Variants in TMEM117 observed in about 807,000 individuals in gnomAD.
The protein encoded by TMEM117 is transmembrane protein 117.
Under a neutral mutation model 52.4 loss-of-function variants are expected in TMEM117, and 27 were observed. The observed-to-expected ratio is 0.51, with a 90% CI of 0.38 to 0.71. The LOEUF is 0.71. Among genes scored for constraint, TMEM117 ranks in the 30% least tolerant of loss-of-function variants. The pLI is 0.00. For synonymous variants in TMEM117, 215 were observed against 206.3 expected, an observed-to-expected ratio of 1.04 and a Z score of -0.36; for missense variants, 556 against 630.5, an observed-to-expected ratio of 0.88 and a Z score of 1.26.
chr12:43,836,902 G>T (rs1453265368), intron 1 of TMEM117, among the ~76,000 whole-genome samples: 1 of 152,076 alleles, frequency 6.6e-6, no homozygotes, highest in East Asian at 1.9e-4. Flanking sequence ...GAATATAAGG[G>T]TATGTATTGC....
chr12:43,996,184 A>G (rs572784803), intron 3 of TMEM117, among the ~76,000 whole-genome samples: 48 of 152,368 alleles, frequency 3.2e-4, no homozygotes, highest in East Asian at 1.7e-3. Context: ...TCATGATTCT[A>G]TTATCCAAGT....
At chr12:44,034,188 C>T (rs925778011) in intron 3 of TMEM117, among the ~76,000 whole-genome samples, 5 of 152,170 alleles carry the variant, frequency 3.3e-5, no homozygotes, top group Non-Finnish European at 7.3e-5. Flanking sequence ...ATAGATTTTA[C>T]ATCTGAAAAA....
chr12:43,997,932 C>A (rs1565786068), intron 3 of TMEM117, among the ~76,000 whole-genome samples: 2 of 152,174 alleles, frequency 1.3e-5, no homozygotes, highest in African/African-American at 4.8e-5. Context: ...TTTTAAAGTT[C>A]ATGCATGCAC....
intron 3 of TMEM117, among the ~76,000 whole-genome samples, chr12:44,066,240 G>C (rs1442839691): frequency 6.6e-6 from 1 of 152,154 alleles, no homozygotes; most frequent in African/African-American, 2.4e-5. Flanking sequence ...AATAGGTAAG[G>C]AGGCAACTTT....
At chr12:44,256,477 C>T (rs946923996) in intron 5 of TMEM117, among the ~76,000 whole-genome samples, 2 of 151,918 alleles carry the variant, frequency 1.3e-5, no homozygotes, top group Middle Eastern at 3.2e-3. Flanking sequence ...ATAATTTGAT[C>T]AGATTCACAA....
chr12:43,902,365 C>G (rs1367555629), intron 2 of TMEM117, among the ~76,000 whole-genome samples: 1 of 152,238 alleles, frequency 6.6e-6, no homozygotes, highest in Non-Finnish European at 1.5e-5. Context: ...GTTACCACAT[C>G]TAGAGGATCA....
intron 2 of TMEM117, among the ~76,000 whole-genome samples, chr12:43,906,909 A>G (rs1339931917): frequency 2.6e-5 from 4 of 152,212 alleles, no homozygotes; most frequent in Admixed American, 2.6e-4. Context: ...GGCGGCAGCG[A>G]GGCTGGGGGA....
chr12:44,085,339 G>T (rs1374422538), intron 3 of TMEM117, among the ~76,000 whole-genome samples: 1 of 151,940 alleles, frequency 6.6e-6, no homozygotes. Context: ...ATGTTACCAG[G>T]GCATCTGCAT....
intron 3 of TMEM117, among the ~76,000 whole-genome samples, chr12:44,119,186 G>T (rs1948193547): frequency 6.6e-6 from 1 of 152,170 alleles, no homozygotes; most frequent in African/African-American, 2.4e-5. Flanking sequence ...ATAAATTCTG[G>T]TTGTGTTAAT....
chr12:44,294,614 T>G (rs1950745115), intron 5 of TMEM117, among the ~76,000 whole-genome samples: 1 of 152,218 alleles, frequency 6.6e-6, no homozygotes, highest in Non-Finnish European at 1.5e-5. Flanking sequence ...TGATGGCTTC[T>G]CTTTGGCATA....
intron 5 of TMEM117, among the ~76,000 whole-genome samples, chr12:44,228,350 A>G (rs930900357): frequency 2.0e-5 from 3 of 152,110 alleles, no homozygotes; most frequent in Non-Finnish European, 4.4e-5. Flanking sequence ...GACATTTTGT[A>G]TGTGAGGGGC....
At chr12:43,941,140 A>G (rs1430615348) in intron 2 of TMEM117, among the ~76,000 whole-genome samples, 1 of 152,220 alleles carries the variant, frequency 6.6e-6, no homozygotes, top group Non-Finnish European at 1.5e-5. Context: ...CTTATTAATA[A>G]CATAAATACA....
chr12:43,875,164 T>C (rs1943772340), intron 2 of TMEM117, among the ~76,000 whole-genome samples: 1 of 152,146 alleles, frequency 6.6e-6, no homozygotes, highest in Non-Finnish European at 1.5e-5. Flanking sequence ...ACAGCTTCTT[T>C]ACAGCAGTAA....
chr12:44,083,443 C>T (rs59618205), intron 3 of TMEM117: 1 of 131,752 alleles, frequency 7.6e-6, no homozygotes, highest in Non-Finnish European at 1.5e-5. Flanking sequence ...GTTGCCCAGG[C>T]TGGACTGGAG....
intron 3 of TMEM117, among the ~76,000 whole-genome samples, chr12:44,030,333 G>T (rs947985046): frequency 1.3e-5 from 2 of 152,178 alleles, no homozygotes; most frequent in African/African-American, 4.8e-5. Flanking sequence ...TCTAGATAAA[G>T]CCTGGGGACA....
chr12:44,344,163 A>G (rs1376985970), intron 6 of TMEM117, among the ~76,000 whole-genome samples: 1 of 152,160 alleles, frequency 6.6e-6, no homozygotes, highest in East Asian at 1.9e-4. Context: ...ACCTATTAAC[A>G]TCACCTGAGA....
intron 5 of TMEM117, among the ~76,000 whole-genome samples, chr12:44,257,018 C>G (rs1950267424): frequency 1.3e-5 from 2 of 150,248 alleles, no homozygotes; most frequent in African/African-American, 4.9e-5. Context: ...TCCTAGTTAA[C>G]CCTTCTTCAC....
intron 5 of TMEM117, among the ~76,000 whole-genome samples, chr12:44,292,171 T>C (rs1295916209): frequency 1.3e-5 from 2 of 152,022 alleles, no homozygotes; most frequent in Non-Finnish European, 2.9e-5. Context: ...TTTCTACTTC[T>C]TCATTATTCA....
the TMEM117 span, among the ~76,000 whole-genome samples, chr12:43,799,937 A>G: frequency 6.6e-6 from 1 of 152,108 alleles, no homozygotes; most frequent in Non-Finnish European, 1.5e-5. Context: ...TTTCATGTCA[A>G]AAGAAAAAAA....
Sources: allele counts gnomAD v4.1 joint callset (sites outside exome capture counted in the v4.1 genomes callset), GRCh38; gene constraint gnomAD v4.1.1; transcripts MANE v1.5; gene names NCBI Gene and HGNC (gene_info 2026-07-23, HGNC 2026-07-21).